Variants in CYP26B1 observed in about 807,000 individuals in gnomAD.
CYP26B1 encodes cytochrome P450 26B1.
CYP26B1 carries 8 observed loss-of-function variants against 39.1 expected under a neutral mutation model. The ratio of observed to expected loss-of-function variants is 0.20; its 90% CI spans 0.12 to 0.37. The LOEUF (loss-of-function observed/expected upper bound fraction) is 0.37, where lower values mean the gene tolerates loss of function less well. Among genes scored for constraint, CYP26B1 ranks in the 10% least tolerant of loss-of-function variants. The pLI, the probability that CYP26B1 is intolerant of heterozygous loss-of-function variation, is 1.00. For missense variants in CYP26B1, 615 were observed against 707.0 expected, an observed-to-expected ratio of 0.87 and a Z score of 1.48; for synonymous variants, 321 against 314.3, an observed-to-expected ratio of 1.02 and a Z score of -0.23.
intron 2 of CYP26B1, among the ~76,000 whole-genome samples, chr2:72,141,897 G>A (rs1676954407): frequency 6.6e-6 from 1 of 152,132 alleles, no homozygotes; most frequent in Non-Finnish European, 1.5e-5. Flanking sequence ...CATGCCCCAC[G>A]TGGCAAGCAT....
intron 1 of CYP26B1, chr2:72,144,604 C>A: frequency 1.5e-6 from 1 of 647,260 alleles, no homozygotes; most frequent in Non-Finnish European, 1.9e-6. Context: ...CACGGGCTGG[C>A]GAGACCCCGC....
intron 4 of CYP26B1, among the ~76,000 whole-genome samples, chr2:72,134,198 G>A (rs1419187148): frequency 6.6e-6 from 1 of 152,158 alleles, no homozygotes; most frequent in African/African-American, 2.4e-5. Context: ...AGTGGAGCAG[G>A]CCTGCAGAGC....
At chr2:72,141,899 G>A (rs1676954464) in intron 2 of CYP26B1, among the ~76,000 whole-genome samples, 1 of 152,130 alleles carries the variant, frequency 6.6e-6, no homozygotes, top group Non-Finnish European at 1.5e-5. Context: ...TGCCCCACGT[G>A]GCAAGCATAA....
In CYP26B1 at chr2:72,147,226, C is replaced by T. The variant is rs959909261; in HGVS notation, c.204+405G>A. Among the ~76,000 whole-genome samples the T allele has an allele frequency of 6.6e-6, 1 of 152,178 alleles. No homozygotes were observed. The highest frequency in any genetic ancestry group is 2.4e-5 in the African/African-American group (1 of 41,446). On this transcript the variant is annotated intron_variant, in intron 1 of 5. Transcript: ENST00000001146. The surrounding 1 kb of genome is among the most constrained non-coding windows in gnomAD (Gnocchi z 6.1). ...TTCGGCTCCCAGCGACACAGCCAAC[C>T]CCAGAAAGCCGAGGGCGACTGGGGG...
intron 1 of CYP26B1, among the ~76,000 whole-genome samples, chr2:72,145,964 TGGGATTCAGAG>T (rs1302206251): frequency 6.6e-6 from 1 of 152,190 alleles, no homozygotes; most frequent in Non-Finnish European, 1.5e-5. Flanking sequence ...AAAATAACGC[TGGGATTCAGAG>T]GGCTCTCATT....
chr2:72,147,229 A>G lies in CYP26B1; in HGVS notation c.204+402T>C, dbSNP rs1420768217. Among the ~76,000 whole-genome samples the G allele has an allele frequency of 6.6e-6, 1 of 152,084 alleles. No homozygotes were observed. Among genetic ancestry groups the G allele is most frequent in the Non-Finnish European group, 1.5e-5 (1 of 68,012 alleles). On this transcript the variant is annotated intron_variant, in intron 1 of 5. Coordinates refer to ENST00000001146, the MANE Select transcript of CYP26B1 (RefSeq NM_019885.4). The surrounding 1 kb of genome is among the most constrained non-coding windows in gnomAD (Gnocchi z 6.1). ...GGCTCCCAGCGACACAGCCAACCCC[A>G]GAAAGCCGAGGGCGACTGGGGGCTT...
chr2:72,146,980 C>T (rs149360009), intron 1 of CYP26B1, among the ~76,000 whole-genome samples: 2 of 152,138 alleles, frequency 1.3e-5, no homozygotes, highest in Non-Finnish European at 2.9e-5. Context: ...CCAAACTGTC[C>T]CCACCCAATA....
At chr2:72,135,685 G>A (rs1292101716) in intron 2 of CYP26B1, among the ~76,000 whole-genome samples, 1 of 152,164 alleles carries the variant, frequency 6.6e-6, no homozygotes, top group Non-Finnish European at 1.5e-5. Context: ...GACACAGGAC[G>A]GAAGTGCCCT....
At chr2:72,144,441 C>T in intron 1 of CYP26B1, 1 of 1,331,774 alleles carries the variant, frequency 7.5e-7, no homozygotes, top group African/African-American at 1.5e-5. Context: ...CAGGGGCACC[C>T]CCAGGAGGCT....
chr2:72,144,391 G>C, intron 1 of CYP26B1, 178 bp from the exon 2 acceptor site: 1 of 1,417,718 alleles, frequency 7.1e-7, no homozygotes. Flanking sequence ...CTGCGAAGTA[G>C]GGCCTAGAGG....
Position 72,131,866 on chromosome 2 carries a change from C to G in CYP26B1, c.*361G>C, listed in dbSNP as rs1358404711. 2 of 247,200 alleles carry G rather than the reference C, an allele frequency of 8.1e-6. No individual in the cohort carries two copies. Among genetic ancestry groups the G allele is most frequent in the African/African-American group, 4.5e-5 (2 of 44,398 alleles). 15.3% of individuals were successfully genotyped at this position (247,200 alleles called of 1,614,324 possible). On this transcript the variant is annotated 3_prime_UTR_variant, in exon 6 of 6. Coordinates refer to ENST00000001146, the MANE Select transcript of CYP26B1 (RefSeq NM_019885.4). ...GGCTCTTCCCGTCCCCCAACCCCAG[C>G]TAAAAGGGTCCGAAAGGAACGGAGG...
chr2:72,145,703 C>T (rs1677105211), intron 1 of CYP26B1, among the ~76,000 whole-genome samples: 1 of 152,152 alleles, frequency 6.6e-6, no homozygotes, highest in Non-Finnish European at 1.5e-5. Context: ...CGCCGCCTCG[C>T]CCCCACCCCC....
At chr2:72,134,940 C>A in intron 3 of CYP26B1, 24 bp from the exon 4 acceptor site, 1 of 1,612,616 alleles carries the variant, frequency 6.2e-7, no homozygotes, top group South Asian at 1.1e-5. Flanking sequence ...GGCTGTCACT[C>A]ATATGGAAGG....
chr2:72,145,049 G>A (rs1028776263), intron 1 of CYP26B1, among the ~76,000 whole-genome samples: 4 of 152,134 alleles, frequency 2.6e-5, no homozygotes, highest in Non-Finnish European at 5.9e-5. Context: ...GCTCACCTTT[G>A]ACGTCGGCAC....
At position 72,132,260 on chromosome 2, in the gene CYP26B1, C is replaced by A. The variant is rs747391137; in HGVS notation, c.1506G>T (p.Pro502=). Residue 502 remains proline (P), a synonymous_variant, in exon 6 of 6, where the codon CCG becomes CCT. Transcript: ENST00000001146. ...TGGCGCTCAGCATGGCCTCCGTCTC[C>A]GGCAGGATCTCGTTCTGGTTGGAGT... ...GLDSNQNEIL[P]ETEAMLSATV is the part of the protein sequence containing the mutation. The A allele has an allele frequency of 1.2e-6, 2 of 1,604,392 alleles. No homozygotes were observed.
chr2:72,138,196 G>A (rs983588667), intron 2 of CYP26B1, among the ~76,000 whole-genome samples: 2 of 152,148 alleles, frequency 1.3e-5, no homozygotes, highest in Admixed American at 6.5e-5. Flanking sequence ...CTGCTCCACA[G>A]ACATAGGGGC....
In CYP26B1 at chr2:72,144,173, T is replaced by G. The variant is rs760099961; in HGVS notation, c.245A>C (p.Asn82Thr). The stretch of plus-strand genomic sequence containing the variant: ...CCCCAACAAATGCGTCTTGAACACG[T>G]TGCCATACTTCTCCCTCCGCGACGA... Reference protein sequence around the residue: ...FQSSRREKYGNVFKTHLLGRP... With the variant: ...FQSSRREKYGTVFKTHLLGRP... The change falls in exon 2 of 6, where the codon AAC (asparagine) becomes ACC (threonine). Residue 82 changes from asparagine (N) to threonine (T), a missense_variant. By Grantham distance (65) the Asn-to-Thr change is moderately conservative. Coordinates refer to ENST00000001146, the MANE Select transcript of CYP26B1 (RefSeq NM_019885.4). The G allele has an allele frequency of 1.1e-5, 17 of 1,604,990 alleles. No individual in the cohort carries two copies. The highest frequency in any genetic ancestry group is 3.3e-4 in the Middle Eastern group (2 of 6,066).
rs1677041424 is a variant in CYP26B1 at position 72,144,044 on chromosome 2, A to G, written c.374T>C (p.Leu125Pro). The change falls in exon 2 of 6, where the codon CTG becomes CCG. Residue 125 changes from leucine (L) to proline (P), a missense_variant. Leu to Pro is a moderately conservative substitution (Grantham distance 98). Coordinates refer to ENST00000001146, the MANE Select transcript of CYP26B1 (RefSeq NM_019885.4). ...GGAATTGGACACCGTGTTGGGGCCC[A>G]GCAACATGCGGGTGCTGCGAGGCCA... Reference protein sequence around the residue: ...TEWPRSTRMLLGPNTVSNSIG... With the variant: ...TEWPRSTRMLPGPNTVSNSIG... 1.2e-6 allele frequency: 2 copies of G among 1,613,744 alleles called. No homozygotes were observed. Among genetic ancestry groups the G allele is most frequent in the Non-Finnish European group, 1.7e-6 (2 of 1,180,020 alleles).
chr2:72,133,181 C>T lies in CYP26B1; in HGVS notation c.988G>A (p.Gly330Ser), dbSNP rs1676647693. 3 of 1,612,306 alleles carry T rather than the reference C, an allele frequency of 1.9e-6. No homozygotes were observed. Among genetic ancestry groups the T allele is most frequent in the Non-Finnish European group, 1.7e-6 (2 of 1,179,412 alleles). The part of the protein sequence containing the change: ...EKLRDELRAH[G>S]ILHSGGCPCE... ...GGGCAGCCGCCACTGTGCAGGATGC[C>T]ATGAGCCCGCAGCTCATCCCGCAGC... The change falls in exon 5 of 6, where the codon GGC becomes AGC. Residue 330 changes from glycine (G) to serine (S), a missense_variant. Coordinates refer to ENST00000001146, the MANE Select transcript of CYP26B1 (RefSeq NM_019885.4).
Sources: gnomAD v4.1 joint callset for allele counts (sites outside exome capture counted in the v4.1 genomes callset) on GRCh38, gnomAD v4.1.1 for gene constraint, Gnocchi (gnomAD v3.1) non-coding constraint, MANE v1.5 for transcripts, NCBI Gene and HGNC (gene_info 2026-07-23, HGNC 2026-07-21) for gene names.